GALNTL6: variants seen among roughly 807,000 people sequenced by gnomAD.
GALNTL6 encodes the protein polypeptide N-acetylgalactosaminyltransferase-like 6.
In GALNTL6, 46 loss-of-function variants were observed where a neutral mutation model predicts 73.7. The observed-to-expected ratio is 0.62, with a 90% CI of 0.49 to 0.80. The LOEUF (loss-of-function observed/expected upper bound fraction) is 0.80, where lower values mean the gene tolerates loss of function less well. Among genes scored for constraint, GALNTL6 ranks in the 30% least tolerant of loss-of-function variants. The pLI is 0.00. For missense variants in GALNTL6, 604 were observed against 755.0 expected, an observed-to-expected ratio of 0.80 and a Z score of 2.34; for synonymous variants, 259 against 263.7, an observed-to-expected ratio of 0.98 and a Z score of 0.17.
At chr4:172,056,112 A>T (rs1185472595) in intron 2 of GALNTL6, among the ~76,000 whole-genome samples, 1 of 152,196 alleles carries the variant, frequency 6.6e-6, no homozygotes, top group Non-Finnish European at 1.5e-5. Flanking sequence ...ATCTGCTATT[A>T]AGAATAACAG....
chr4:172,567,255 G>A (rs1367015613), intron 5 of GALNTL6, among the ~76,000 whole-genome samples: 1 of 151,784 alleles, frequency 6.6e-6, no homozygotes, highest in Non-Finnish European at 1.5e-5. Flanking sequence ...TTCATTGTGA[G>A]AGGCATGCAA....
Position 172,265,974 on chromosome 4 carries a change from G to C in GALNTL6, c.247+36210G>C, listed in dbSNP as rs1013388895. ...TCCACATTAAAATTTATTTTCTGCT[G>C]TTTCTCATTCATGGCTACACTTTAT... On this transcript the variant is annotated intron_variant, in intron 3 of 12. Coordinates refer to ENST00000506823, the MANE Select transcript of GALNTL6 (RefSeq NM_001034845.3). Among the ~76,000 whole-genome samples, 6 of 152,118 alleles carry C rather than the reference G, an allele frequency of 3.9e-5. No homozygotes were observed. In the East Asian group the frequency reaches 7.8e-4, roughly 20 times the overall value.
chr4:172,741,407 G>A (rs946491032), intron 5 of GALNTL6, among the ~76,000 whole-genome samples: 1 of 152,052 alleles, frequency 6.6e-6, no homozygotes, highest in Non-Finnish European at 1.5e-5. Flanking sequence ...GTGCCTTCCA[G>A]TCTTCCTCTC....
chr4:172,060,691 A>T (rs188778354), intron 2 of GALNTL6, among the ~76,000 whole-genome samples: 2 of 152,188 alleles, frequency 1.3e-5, no homozygotes, highest in Non-Finnish European at 2.9e-5. Flanking sequence ...TTTTCTATGT[A>T]TATCAGGCCC....
At chr4:172,908,802 C>CA (rs977185895) in intron 8 of GALNTL6, among the ~76,000 whole-genome samples, 1 of 151,040 alleles carries the variant, frequency 6.6e-6, no homozygotes, top group South Asian at 2.1e-4. Flanking sequence ...CTAAAGGACA[C>CA]AAAAAAAGAC....
At position 172,952,118 on chromosome 4, in the gene GALNTL6, T is replaced by A; in HGVS notation, c.1231T>A (p.Ser411Thr). ...GCGGCGGCCGGAGTACAGGCATCTC[T>A]CCACGGGGGACATCTCTGCCCAGAA... ...YQRRPEYRHL[S>T]TGDISAQKEL... is the part of the protein sequence containing the mutation. Residue 411 changes from serine to threonine, a missense_variant, in exon 10 of 13, where the codon TCC (serine) becomes ACC (threonine). Transcript: ENST00000506823. 6.2e-7 allele frequency: 1 copy of A among 1,614,106 alleles called. No homozygotes were observed. Among genetic ancestry groups the A allele is most frequent in the East Asian group, 2.2e-5 (1 of 44,878 alleles).
intron 2 of GALNTL6, among the ~76,000 whole-genome samples, chr4:171,924,215 A>ACACACAAAC (rs1560843329): frequency 2.5e-5 from 3 of 118,604 alleles, no homozygotes; most frequent in African/African-American, 9.4e-5. Flanking sequence ...CACACACACA[A>ACACACAAAC]ACACACACAC....
At chr4:172,456,684 A>G (rs995605300) in intron 5 of GALNTL6, among the ~76,000 whole-genome samples, 3 of 151,842 alleles carry the variant, frequency 2.0e-5, no homozygotes, top group African/African-American at 7.3e-5. Context: ...CAAAGCCTCC[A>G]AGAAATATGG....
At chr4:172,860,867 C>A (rs1744358431) in intron 7 of GALNTL6, among the ~76,000 whole-genome samples, 1 of 152,114 alleles carries the variant, frequency 6.6e-6, no homozygotes, top group African/African-American at 2.4e-5. Context: ...AATTACTTAT[C>A]AACTTGGAAA....
rs76118082 is a variant in GALNTL6, at chr4:171,953,430, A to G, written c.138+138712A>G. Among the ~76,000 whole-genome samples, 17 of 152,298 alleles carry G rather than the reference A, an allele frequency of 1.1e-4. No individual in the cohort carries two copies. The East Asian group carries it at 3.3e-3, about 29-fold the overall frequency. On this transcript the variant is annotated intron_variant, in intron 2 of 12. Coordinates refer to ENST00000506823, the MANE Select transcript of GALNTL6 (RefSeq NM_001034845.3). Reference sequence around the variant, plus strand: ...AATCAGCTAAGAAACAGAACCCCTTATGTGTTGAAAATTCATTGATCAGAA... The same window carrying G: ...AATCAGCTAAGAAACAGAACCCCTTGTGTGTTGAAAATTCATTGATCAGAA...
chr4:171,939,983 A>G (rs1039774274), intron 2 of GALNTL6, among the ~76,000 whole-genome samples: 3 of 152,200 alleles, frequency 2.0e-5, no homozygotes, highest in East Asian at 1.9e-4. Flanking sequence ...GAGTCCCACA[A>G]TCATATGTAT....
chr4:172,087,289 A>T (rs146214541), intron 2 of GALNTL6, among the ~76,000 whole-genome samples: 2,095 of 151,978 alleles, frequency 0.014, 45 homozygotes, highest in African/African-American at 0.048. Context: ...TAAAAAATAT[A>T]AAAAAATTAG....
At chr4:173,029,144 C>T (rs541678471) in intron 12 of GALNTL6, among the ~76,000 whole-genome samples, 1 of 152,262 alleles carries the variant, frequency 6.6e-6, no homozygotes, top group East Asian at 1.9e-4. Flanking sequence ...GTGTATATAA[C>T]AAGTTTAACT....
At chr4:172,336,615 G>A (rs1239749829) in intron 4 of GALNTL6, among the ~76,000 whole-genome samples, 4 of 151,918 alleles carry the variant, frequency 2.6e-5, no homozygotes, top group Non-Finnish European at 5.9e-5. Context: ...GGTATGGTTG[G>A]TATGGCTTTG....
intron 2 of GALNTL6, among the ~76,000 whole-genome samples, chr4:172,153,573 A>G (rs1313582640): frequency 6.6e-6 from 1 of 152,232 alleles, no homozygotes; most frequent in East Asian, 1.9e-4. Context: ...ATCATTTTAC[A>G]TAAAAACTAT....
intron 5 of GALNTL6, among the ~76,000 whole-genome samples, chr4:172,495,586 C>T (rs1734045345): frequency 6.6e-6 from 1 of 152,130 alleles, no homozygotes; most frequent in Non-Finnish European, 1.5e-5. Context: ...GTCCAGCACT[C>T]TATATACTAT....
At chr4:172,994,710 CT>C (rs1751698076) in intron 10 of GALNTL6, among the ~76,000 whole-genome samples, 1 of 152,094 alleles carries the variant, frequency 6.6e-6, no homozygotes, top group South Asian at 2.1e-4. Flanking sequence ...GCAGGCCTTC[CT>C]TAGAAGACCG....
At position 171,965,935 on chromosome 4, in the gene GALNTL6, C is replaced by A. The variant is rs556250381; in HGVS notation, c.138+151217C>A. On this transcript the variant is annotated intron_variant, in intron 2 of 12. Coordinates refer to ENST00000506823, the MANE Select transcript of GALNTL6 (RefSeq NM_001034845.3). ...CTAAAACCAAATAAGGATGGTTCAA[C>A]TTTATTTTTTCTTATTGGTCAGAAC... Among the ~76,000 whole-genome samples the A allele has an allele frequency of 2.6e-5, 4 of 152,238 alleles. No homozygotes were observed. In the South Asian group the frequency reaches 8.3e-4, roughly 32 times the overall value.
At chr4:171,845,824 C>A (rs539779684) in intron 2 of GALNTL6, among the ~76,000 whole-genome samples, 7 of 152,270 alleles carry the variant, frequency 4.6e-5, no homozygotes, top group African/African-American at 1.7e-4. Flanking sequence ...TTTGAGGTTT[C>A]TTTGTGACAA....
Sources: allele counts gnomAD v4.1 joint callset (sites outside exome capture counted in the v4.1 genomes callset), GRCh38; gene constraint gnomAD v4.1.1; transcripts MANE v1.5; gene names NCBI Gene and HGNC (gene_info 2026-07-23, HGNC 2026-07-21).